TANC1: variants seen among roughly 807,000 people sequenced by gnomAD.
TANC1 encodes protein TANC1.
In TANC1, 77 loss-of-function variants were observed where a neutral mutation model predicts 149.7. The observed-to-expected ratio is 0.51, with a 90% CI of 0.43 to 0.62. TANC1 has a LOEUF of 0.62. TANC1 is among the 20% of genes least tolerant of loss of function. TANC1 has a pLI of 0.00. For missense variants in TANC1, 1,985 were observed against 2,321.8 expected (o/e 0.85, Z 2.98); for synonymous variants, 854 against 925.0 (o/e 0.92, Z 1.39).
At chr2:159,106,232 A>C (rs1298491292) in intron 4 of TANC1, among the ~76,000 whole-genome samples, 1 of 151,672 alleles carries the variant, frequency 6.6e-6, no homozygotes, top group African/African-American at 2.4e-5. Context: ...TTAATTTTAG[A>C]ACATTGTTAT....
At position 159,103,014 on chromosome 2, in the gene TANC1, A is replaced by G. The variant is rs549819135; in HGVS notation, c.259+5180A>G. Among the ~76,000 whole-genome samples, 242 of 94,470 alleles carry G rather than the reference A, an allele frequency of 2.6e-3. 49 individuals carry two copies. The highest frequency in any genetic ancestry group is 6.4e-3 in the African/African-American group (221 of 34,272). 62.0% of individuals were successfully genotyped at this position (94,470 alleles called of 152,430 possible). A position where few individuals can be genotyped will look rare whatever the true frequency, so the allele number is the denominator to read the frequency against. ...ATTACAGGCATGAGCCACCCCTCCC[A>G]GCCAGATACTTACTTTTTAAAAAAA... On this transcript the variant is annotated intron_variant, in intron 4 of 26. Coordinates refer to ENST00000263635, the MANE Select transcript of TANC1 (RefSeq NM_033394.3).
intron 4 of TANC1, among the ~76,000 whole-genome samples, chr2:159,112,059 G>A (rs2047781475): frequency 6.6e-6 from 1 of 152,082 alleles, no homozygotes; most frequent in Non-Finnish European, 1.5e-5. Flanking sequence ...ATTCAGTAGG[G>A]ATTTCTTTTC....
chr2:159,061,199 T>C (rs954875672), intron 2 of TANC1, among the ~76,000 whole-genome samples: 1 of 152,212 alleles, frequency 6.6e-6, no homozygotes, highest in African/African-American at 2.4e-5. Context: ...TTTACTTCTA[T>C]TATTCAGTTT....
At chr2:159,102,038 A>G (rs1456885560) in intron 4 of TANC1, among the ~76,000 whole-genome samples, 3 of 152,158 alleles carry the variant, frequency 2.0e-5, no homozygotes, top group Non-Finnish European at 4.4e-5. Context: ...GGGAAAAACC[A>G]CTAAATTGAC....
At chr2:159,185,041 T>C (rs1028436611) in intron 14 of TANC1, among the ~76,000 whole-genome samples, 1 of 152,206 alleles carries the variant, frequency 6.6e-6, no homozygotes, top group East Asian at 1.9e-4. Context: ...GTTTATCTTT[T>C]CCTCCCTCCA....
chr2:159,194,886 T>G (rs2057737144), intron 17 of TANC1, among the ~76,000 whole-genome samples: 1 of 152,172 alleles, frequency 6.6e-6, no homozygotes. Flanking sequence ...GTAGGATGAG[T>G]TCCATGAACT....
At chr2:159,088,604 T>C (rs2045199236) in intron 3 of TANC1, among the ~76,000 whole-genome samples, 1 of 152,228 alleles carries the variant, frequency 6.6e-6, no homozygotes, top group African/African-American at 2.4e-5. Context: ...CCACGGCCTG[T>C]GGGTCACATG....
chr2:159,214,013 C>A (rs2059175987), intron 19 of TANC1, among the ~76,000 whole-genome samples: 1 of 151,552 alleles, frequency 6.6e-6, no homozygotes, highest in Admixed American at 6.6e-5. Context: ...GTAATCCCAG[C>A]TACTTGGGAG....
In TANC1 at chr2:159,227,910, A is replaced by G. The variant is rs773733034; in HGVS notation, c.3995A>G (p.Asn1332Ser). 5 of 1,613,866 alleles carry G rather than the reference A, an allele frequency of 3.1e-6. No homozygotes were observed. Among genetic ancestry groups the G allele is most frequent in the African/African-American group, 2.7e-5 (2 of 74,928 alleles). Residue 1332 changes from asparagine (N) to serine (S), a missense_variant, in exon 25 of 27, where the codon AAT (asparagine) becomes AGT (serine). Around this residue, in one of 3 missense-constraint regions of TANC1, gnomAD observed 920 missense variants for 994.7 expected, o/e 0.92. Transcript: ENST00000263635. The stretch of plus-strand genomic sequence containing the variant: ...TTCGGAGAGGACATGAGACCCTTCA[A>G]TGAATTAAGGGTTTCCCTCTATCTC... ...EGFGEDMRPF[N>S]ELRVSLYLNL...
rs183945309 is a variant in TANC1 at position 159,048,289 on chromosome 2, G to C, written c.-15-17607G>C. Reference sequence around the variant, plus strand: ...ACTGGTCTTGTTCGTATTTGAATCTGTTAACGTATATTTTTTCTTACAATT... The same window carrying C: ...ACTGGTCTTGTTCGTATTTGAATCTCTTAACGTATATTTTTTCTTACAATT... On this transcript the variant is annotated intron_variant, in intron 2 of 26. Transcript: ENST00000263635. Among the ~76,000 whole-genome samples the C allele has an allele frequency of 4.5e-4, 69 of 152,284 alleles. 1 individual carries two copies. Among genetic ancestry groups the C allele is most frequent in the Admixed American group, 4.5e-3 (69 of 15,296 alleles).
intron 14 of TANC1, among the ~76,000 whole-genome samples, chr2:159,183,964 C>T (rs1559414351): frequency 1.3e-5 from 2 of 152,136 alleles, no homozygotes; most frequent in African/African-American, 2.4e-5. Context: ...AGAATCCCCC[C>T]GTCAGACGTG....
intron 4 of TANC1, among the ~76,000 whole-genome samples, chr2:159,123,249 A>AT (rs2049042161): frequency 6.6e-6 from 1 of 151,740 alleles, no homozygotes; most frequent in South Asian, 2.1e-4. Context: ...TCCGATGGTG[A>AT]TTTTTTTCTG....
intron 3 of TANC1, among the ~76,000 whole-genome samples, chr2:159,092,557 T>C (rs2045662143): frequency 6.6e-6 from 1 of 152,250 alleles, no homozygotes; most frequent in African/African-American, 2.4e-5. Context: ...CTTTATTCCC[T>C]TTGATAATTT....
chr2:159,137,237 T>C (rs2050856570), intron 5 of TANC1, among the ~76,000 whole-genome samples: 1 of 152,190 alleles, frequency 6.6e-6, no homozygotes, highest in Admixed American at 6.5e-5. Flanking sequence ...TTTGTGTTGC[T>C]GGTGCTGTAT....
At chr2:159,208,811 A>T (rs181567115) in intron 19 of TANC1, among the ~76,000 whole-genome samples, 1 of 152,332 alleles carries the variant, frequency 6.6e-6, no homozygotes, top group Non-Finnish European at 1.5e-5. Context: ...TGAGAGATGC[A>T]TCCTTAGGCG....
intron 17 of TANC1, among the ~76,000 whole-genome samples, chr2:159,195,624 C>T (rs2057784971): frequency 6.6e-6 from 1 of 152,160 alleles, no homozygotes; most frequent in African/African-American, 2.4e-5. Context: ...ATTTTTTTCT[C>T]TCAAATCCAA....
chr2:159,147,905 TGTGA>T (rs2052324302), intron 5 of TANC1: 1 of 152,152 alleles, frequency 6.6e-6, no homozygotes, highest in Admixed American at 6.6e-5. Context: ...AAAACTGATA[TGTGA>T]GTGACAATAA....
In TANC1 at chr2:159,065,909, A is replaced by G. The variant is rs371688956; in HGVS notation, c.-2A>G. The G allele has an allele frequency of 2.0e-5, 32 of 1,613,540 alleles. No individual in the cohort carries two copies. The highest frequency in any genetic ancestry group is 1.6e-4 in the Middle Eastern group (1 of 6,082). On this transcript the variant is annotated 5_prime_UTR_variant, in exon 3 of 27. Transcript: ENST00000263635. ...TTTTCTCCTTAGAAACAAGTGTTGA[A>G]AATGTTAAAGGCTGTGCTGAAGAAG...
At chr2:158,991,003 G>A (rs1573995286) in intron 1 of TANC1, among the ~76,000 whole-genome samples, 1 of 149,136 alleles carries the variant, frequency 6.7e-6, no homozygotes, top group East Asian at 2.0e-4. Context: ...AGCCTGGGAG[G>A]ATTGCTTGAG....
Sources: gnomAD v4.1 joint callset for allele counts (sites outside exome capture counted in the v4.1 genomes callset) on GRCh38, gnomAD v4.1.1 for gene constraint, gnomAD v4.1.1 regional missense constraint, MANE v1.5 for transcripts, NCBI Gene and HGNC (gene_info 2026-07-23, HGNC 2026-07-21) for gene names.